The following ACER3 variants were observed in gnomAD, a reference collection of about 807,000 sequenced individuals.
ACER3 encodes alkaline ceramidase 3, also known as alkCDase 3.
A neutral mutation model predicts 48.9 loss-of-function variants in ACER3; 16 were observed. That is an observed-to-expected ratio of 0.33 (90% CI 0.22 to 0.50). The LOEUF is 0.50. Among genes scored for constraint, ACER3 ranks in the 20% least tolerant of loss-of-function variants. The probability of loss-of-function intolerance (pLI) is 0.98; values close to 1 mark genes in which losing one functional copy is unlikely to be tolerated. For missense variants in ACER3, 227 were observed against 326.0 expected (o/e 0.70, Z 2.34); for synonymous variants, 109 against 107.8 (o/e 1.01, Z -0.07).
At chr11:76,918,122 CA>C (rs964884895) in intron 1 of ACER3, among the ~76,000 whole-genome samples, 2 of 152,004 alleles carry the variant, frequency 1.3e-5, no homozygotes, top group Non-Finnish European at 2.9e-5. Flanking sequence ...GGATAGGTAC[CA>C]AAGTTATTCA....
At chr11:76,935,793 T>G (rs1028184262) in intron 2 of ACER3, among the ~76,000 whole-genome samples, 1 of 152,218 alleles carries the variant, frequency 6.6e-6, no homozygotes, top group African/African-American at 2.4e-5. Flanking sequence ...TAATTACATT[T>G]AAATAAAATG....
intron 1 of ACER3, among the ~76,000 whole-genome samples, chr11:76,908,388 G>A (rs545987816): frequency 7.3e-4 from 111 of 152,080 alleles, no homozygotes; most frequent in Non-Finnish European, 1.4e-3. Flanking sequence ...AAGCTGATAA[G>A]CAACTTCAGC....
intron 1 of ACER3, among the ~76,000 whole-genome samples, chr11:76,926,279 ATC>A (rs1946827548): frequency 6.6e-6 from 1 of 152,086 alleles, no homozygotes. Context: ...TCTTCCGGAG[ATC>A]TTTTTCTTGC....
intron 1 of ACER3, among the ~76,000 whole-genome samples, chr11:76,924,147 T>C (rs887107513): frequency 1.3e-5 from 2 of 152,028 alleles, no homozygotes; most frequent in African/African-American, 4.8e-5. Context: ...GGGGCAATCA[T>C]AGGGGCCTCC....
chr11:76,892,219 A>T (rs979226215), intron 1 of ACER3, among the ~76,000 whole-genome samples: 5 of 152,170 alleles, frequency 3.3e-5, no homozygotes, highest in Non-Finnish European at 5.9e-5. Context: ...ATATCAAAAG[A>T]TGTTATGTAA....
Position 77,020,332 on chromosome 11 carries a change from T to C in ACER3, c.*5T>C, listed in dbSNP as rs889247190. 8 of 1,613,076 alleles carry C rather than the reference T, an allele frequency of 5.0e-6. No homozygotes were observed. The highest frequency in any genetic ancestry group is 6.8e-6 in the Non-Finnish European group (8 of 1,179,794). Reference sequence around the variant, plus strand: ...GAGCCTCTCAGGAAGCATTGATGAATCATTCCACCAAGAAAACAAACAAGC... The same window carrying C: ...GAGCCTCTCAGGAAGCATTGATGAACCATTCCACCAAGAAAACAAACAAGC... On this transcript the variant is annotated 3_prime_UTR_variant, in exon 11 of 11. Coordinates refer to ENST00000532485, the MANE Select transcript of ACER3 (RefSeq NM_018367.7).
chr11:76,913,516 T>G (rs896567307), intron 1 of ACER3, among the ~76,000 whole-genome samples: 2 of 146,618 alleles, frequency 1.4e-5, no homozygotes, highest in African/African-American at 4.9e-5. Flanking sequence ...TTGTCATAAA[T>G]AGTTCTTATT....
At chr11:76,954,478 TCAGA>T (rs757504153) in intron 2 of ACER3, among the ~76,000 whole-genome samples, 1 of 152,218 alleles carries the variant, frequency 6.6e-6, no homozygotes, top group Non-Finnish European at 1.5e-5. Flanking sequence ...TATTACTTCC[TCAGA>T]CAGCCCTCTT....
chr11:76,875,423 C>T (rs1162791837), intron 1 of ACER3, among the ~76,000 whole-genome samples: 1 of 151,960 alleles, frequency 6.6e-6, no homozygotes, highest in Non-Finnish European at 1.5e-5. Flanking sequence ...GCCAACATTT[C>T]ATTTTTTTAA....
At chr11:76,875,889 C>A (rs1418145119) in intron 1 of ACER3, among the ~76,000 whole-genome samples, 1 of 151,858 alleles carries the variant, frequency 6.6e-6, no homozygotes, top group African/African-American at 2.4e-5. Context: ...GAGAGCACCA[C>A]CACACCCGGC....
At chr11:76,920,825 G>C (rs1946668199) in intron 1 of ACER3, among the ~76,000 whole-genome samples, 1 of 151,948 alleles carries the variant, frequency 6.6e-6, no homozygotes, top group Non-Finnish European at 1.5e-5. Context: ...TTTTTGTAGA[G>C]ATGGGTTCTC....
At chr11:76,998,286 C>CT (rs1280248101) in intron 6 of ACER3, among the ~76,000 whole-genome samples, 4 of 152,038 alleles carry the variant, frequency 2.6e-5, no homozygotes, top group Admixed American at 1.3e-4. Context: ...AAGTGGGCAC[C>CT]TTTTTTGGAG....
intron 3 of ACER3, among the ~76,000 whole-genome samples, chr11:76,961,784 T>TACCAGAATCTCTG (rs372493050): frequency 2.7e-5 from 4 of 147,114 alleles, no homozygotes; most frequent in African/African-American, 1.0e-4. Context: ...AGATAATAAA[T>TACCAGAATCTCTG]GATGTATTAA....
At chr11:76,910,830 T>C (rs537900369) in intron 1 of ACER3, among the ~76,000 whole-genome samples, 9 of 152,316 alleles carry the variant, frequency 5.9e-5, no homozygotes, top group African/African-American at 2.2e-4. Context: ...AGTAGTTTGG[T>C]TGTACTGTGT....
chr11:76,866,093 T>C (rs955228443), intron 1 of ACER3, among the ~76,000 whole-genome samples: 5 of 152,068 alleles, frequency 3.3e-5, no homozygotes, highest in Non-Finnish European at 7.4e-5. Context: ...CCCAAAGTGC[T>C]GGAATTATAG....
At chr11:77,014,845 C>T (rs1210885420) in intron 7 of ACER3, among the ~76,000 whole-genome samples, 171 bp from the exon 8 acceptor site, 2 of 152,136 alleles carry the variant, frequency 1.3e-5, no homozygotes, top group East Asian at 1.9e-4. Context: ...CACAGGAATT[C>T]GAGGCTGGAA....
At chr11:76,898,883 G>T in intron 1 of ACER3, among the ~76,000 whole-genome samples, 1 of 118,310 alleles carries the variant, frequency 8.5e-6, no homozygotes, top group Non-Finnish European at 1.6e-5. Flanking sequence ...CAGCCTGGGC[G>T]ACAGAGCGAG....
At chr11:76,915,375 T>A (rs1412887412) in intron 1 of ACER3, among the ~76,000 whole-genome samples, 1 of 152,020 alleles carries the variant, frequency 6.6e-6, no homozygotes, top group African/African-American at 2.4e-5. Flanking sequence ...ACGCGCAGTG[T>A]GTTCAGGGAG....
chr11:77,014,142 T>C (rs919275625), intron 7 of ACER3, among the ~76,000 whole-genome samples: 1 of 152,246 alleles, frequency 6.6e-6, no homozygotes, highest in Non-Finnish European at 1.5e-5. Context: ...TATACCTCAT[T>C]GAAGCTATAA....
Sources: gnomAD v4.1 joint callset for allele counts (sites outside exome capture counted in the v4.1 genomes callset) on GRCh38, gnomAD v4.1.1 for gene constraint, MANE v1.5 for transcripts, NCBI Gene and HGNC (gene_info 2026-07-23, HGNC 2026-07-21) for gene names.